The following SCFD1 variants were observed in gnomAD, a reference collection of about 807,000 sequenced individuals.
SCFD1 encodes sec1 family domain-containing protein 1.
In SCFD1, 37 loss-of-function variants were observed where a neutral mutation model predicts 103.2. That is an observed-to-expected ratio of 0.36 (90% CI 0.28 to 0.47). The LOEUF (loss-of-function observed/expected upper bound fraction) is 0.47, where lower values mean the gene tolerates loss of function less well. Among genes scored for constraint, SCFD1 ranks in the 20% least tolerant of loss-of-function variants. The probability of loss-of-function intolerance (pLI) is 1.00; values close to 1 mark genes in which losing one functional copy is unlikely to be tolerated. For missense variants in SCFD1, 639 were observed against 761.2 expected, an observed-to-expected ratio of 0.84 and a Z score of 1.89; for synonymous variants, 264 against 245.0, an observed-to-expected ratio of 1.08 and a Z score of -0.73.
intron 23 of SCFD1, among the ~76,000 whole-genome samples, chr14:30,734,084 G>C (rs1299304601): frequency 6.6e-6 from 1 of 152,032 alleles, no homozygotes; most frequent in African/African-American, 2.4e-5. Flanking sequence ...AACAATATTT[G>C]CTCAGCTTAT....
chr14:30,681,569 A>G (rs1297686530), intron 14 of SCFD1, among the ~76,000 whole-genome samples: 1 of 130,370 alleles, frequency 7.7e-6, no homozygotes, highest in East Asian at 2.3e-4. Context: ...AATGAAAACA[A>G]TCTGATAAAA....
chr14:30,710,254 A>G (rs2139372537), intron 19 of SCFD1, among the ~76,000 whole-genome samples: 1 of 151,322 alleles, frequency 6.6e-6, no homozygotes, highest in East Asian at 1.9e-4. Context: ...TTTCTCACTT[A>G]CAAAAGTAAA....
At chr14:30,695,551 T>TA (rs984577967) in intron 15 of SCFD1, among the ~76,000 whole-genome samples, 3 of 152,160 alleles carry the variant, frequency 2.0e-5, no homozygotes, top group African/African-American at 7.2e-5. Context: ...ACGTATTTTT[T>TA]ACCACTGAAC....
chr14:30,698,413 C>G (rs1370135041), intron 15 of SCFD1, among the ~76,000 whole-genome samples: 1 of 152,200 alleles, frequency 6.6e-6, no homozygotes, highest in African/African-American at 2.4e-5. Flanking sequence ...CAGTTATTAA[C>G]ACTGTAGCAG....
intron 14 of SCFD1, among the ~76,000 whole-genome samples, chr14:30,679,545 GAA>G (rs1594683937): frequency 6.6e-6 from 1 of 151,776 alleles, no homozygotes; most frequent in Non-Finnish European, 1.5e-5. Context: ...ATGCAAGAAA[GAA>G]AAAAAATGTC....
chr14:30,719,273 C>CTTAGAGTA, intron 20 of SCFD1, 52 bp from the exon 21 acceptor site: 2 of 1,153,746 alleles, frequency 1.7e-6, no homozygotes, highest in Non-Finnish European at 2.6e-6. Context: ...GCCAAACTGA[C>CTTAGAGTA]CTTCTGAAGA....
chr14:30,732,788 T>C (rs1043245095), intron 23 of SCFD1, among the ~76,000 whole-genome samples: 1 of 152,228 alleles, frequency 6.6e-6, no homozygotes, highest in African/African-American at 2.4e-5. Flanking sequence ...TAACTCACAA[T>C]GTAAATGCTA....
chr14:30,692,903 T>G (rs541935343), intron 14 of SCFD1, among the ~76,000 whole-genome samples: 1 of 152,318 alleles, frequency 6.6e-6, no homozygotes, highest in East Asian at 1.9e-4. Context: ...CTTTCTCATG[T>G]AAATTATTAA....
intron 10 of SCFD1, chr14:30,658,121 C>A (rs1160938230): frequency 6.6e-6 from 3 of 454,720 alleles, no homozygotes; most frequent in African/African-American, 2.0e-5. Context: ...GAGCTGTGGA[C>A]TTCAGTCAAA....
chr14:30,728,417 G>GT (rs368694191), intron 23 of SCFD1, among the ~76,000 whole-genome samples: 1 of 152,298 alleles, frequency 6.6e-6, no homozygotes, highest in African/African-American at 2.4e-5. Flanking sequence ...AATTGAAATT[G>GT]TTTCTGCTGC....
chr14:30,693,764 C>T (rs1321267995), intron 14 of SCFD1, among the ~76,000 whole-genome samples: 1 of 152,102 alleles, frequency 6.6e-6, no homozygotes, highest in Non-Finnish European at 1.5e-5. Context: ...TTTCCACTCC[C>T]ACTTTGATTG....
intron 15 of SCFD1, among the ~76,000 whole-genome samples, 160 bp downstream of exon 15, chr14:30,695,029 C>T (rs971967993): frequency 6.6e-6 from 1 of 152,138 alleles, no homozygotes; most frequent in Non-Finnish European, 1.5e-5. Context: ...TATAACTTAG[C>T]AGTTCCTACA....
chr14:30,635,594 T>C (rs1467902571), intron 4 of SCFD1, among the ~76,000 whole-genome samples: 1 of 152,202 alleles, frequency 6.6e-6, no homozygotes, highest in African/African-American at 2.4e-5. Context: ...TGGTACCTTA[T>C]TCCTTTTCGT....
intron 11 of SCFD1, 57 bp downstream of exon 11, chr14:30,670,452 C>T: frequency 7.9e-7 from 1 of 1,263,240 alleles, no homozygotes; most frequent in Non-Finnish European, 1.1e-6. Flanking sequence ...ATTAAGGTGT[C>T]ATCCACCTTA....
At position 30,692,412 on chromosome 14, in the gene SCFD1, A is replaced by T. The variant is rs552477160; in HGVS notation, c.1243-2361A>T. Among the ~76,000 whole-genome samples the T allele has an allele frequency of 5.3e-5, 8 of 152,246 alleles. No individual in the cohort carries two copies. In the East Asian group the frequency reaches 1.5e-3, roughly 29 times the overall value. ...TTGATACACAGATAAGGGAGTAATG[A>T]GTTATTTTGGCCAAGGAGGAGACTG... On this transcript the variant is annotated intron_variant, in intron 14 of 24. Transcript: ENST00000458591.
chr14:30,668,780 G>C (rs936419343), intron 10 of SCFD1, among the ~76,000 whole-genome samples: 1 of 152,138 alleles, frequency 6.6e-6, no homozygotes, highest in Non-Finnish European at 1.5e-5. Flanking sequence ...CATTTATGCA[G>C]CCAAAAGACA....
intron 15 of SCFD1, among the ~76,000 whole-genome samples, chr14:30,697,043 C>T (rs891692987): frequency 6.6e-6 from 1 of 151,926 alleles, no homozygotes; most frequent in Non-Finnish European, 1.5e-5. Context: ...TGTTCAGATA[C>T]AGAAATAAAT....
chr14:30,701,992 G>A (rs1891111703), intron 16 of SCFD1, among the ~76,000 whole-genome samples: 1 of 152,152 alleles, frequency 6.6e-6, no homozygotes, highest in Admixed American at 6.5e-5. Context: ...TGTGTGTCCT[G>A]AAGAAAAGCA....
intron 20 of SCFD1, among the ~76,000 whole-genome samples, chr14:30,717,966 GTAT>G (rs1320541381): frequency 2.6e-5 from 4 of 151,722 alleles, no homozygotes; most frequent in Non-Finnish European, 5.9e-5. Flanking sequence ...AAAAGTACTA[GTAT>G]TATTATTTTC....
Sources: allele counts gnomAD v4.1 joint callset (sites outside exome capture counted in the v4.1 genomes callset), GRCh38; gene constraint gnomAD v4.1.1; transcripts MANE v1.5; gene names NCBI Gene and HGNC (gene_info 2026-07-23, HGNC 2026-07-21).